Variants in SLC6A5 observed in about 807,000 individuals in gnomAD.
The protein encoded by SLC6A5 is solute carrier family 6 member 5.
In SLC6A5, 58 loss-of-function variants were observed where a neutral mutation model predicts 90.5. That is an observed-to-expected ratio of 0.64 (90% CI 0.52 to 0.80). SLC6A5 has a LOEUF of 0.80. Ranked by LOEUF, SLC6A5 falls within the 30% of genes least tolerant of loss-of-function variation. The pLI is 0.00. For missense variants in SLC6A5, 1,015 were observed against 1,017.6 expected (o/e 1.00, Z 0.03); for synonymous variants, 427 against 401.4 (o/e 1.06, Z -0.76).
chr11:20,612,699 G>A (rs1447011847), intron 5 of SLC6A5, among the ~76,000 whole-genome samples: 2 of 152,080 alleles, frequency 1.3e-5, no homozygotes, highest in African/African-American at 2.4e-5. Flanking sequence ...TAAAATGTTT[G>A]GTACAGATAG....
chr11:20,600,181 G>C (rs982271827), intron 1 of SLC6A5, among the ~76,000 whole-genome samples: 1 of 152,102 alleles, frequency 6.6e-6, no homozygotes, highest in East Asian at 1.9e-4. Flanking sequence ...AGGGGAGAAA[G>C]TGGATAGAAA....
rs992728799 is a variant in SLC6A5, at chr11:20,607,240, G to A, written c.811+102G>A. 6 of 1,443,524 alleles carry A rather than the reference G, an allele frequency of 4.2e-6. No homozygotes were observed. The African/African-American group carries it at 7.0e-5, about 17-fold the overall frequency. The allele number at this position is 1,443,524 out of a possible 1,614,324, so 89.4% of individuals were successfully genotyped here. On this transcript the variant is annotated intron_variant, in intron 4 of 15. Coordinates refer to ENST00000525748, the MANE Select transcript of SLC6A5 (RefSeq NM_004211.5). ...GGGAGACCTGCCTTTGTGGTTAATAGAACTAACTCTTTCCTTCCTTTATTT... is the reference window on the plus strand; with the variant it reads ...GGGAGACCTGCCTTTGTGGTTAATAAAACTAACTCTTTCCTTCCTTTATTT...
intron 1 of SLC6A5, 32 bp from the exon 2 acceptor site, chr11:20,601,097 T>C (rs919381900): frequency 6.4e-7 from 1 of 1,570,626 alleles, no homozygotes; most frequent in Non-Finnish European, 8.6e-7. Flanking sequence ...GTTGTGACTT[T>C]GTTTTGCACG....
chr11:20,655,285 CA>C lies in SLC6A5; in HGVS notation c.*419del. On this transcript the variant is annotated 3_prime_UTR_variant, in exon 16 of 16. Transcript: ENST00000525748. ...TTATTTGGACTTGAACAGAACTGAG[CA>C]ATGTGGTGATCTTGTTCAGACACAC... is the stretch of plus-strand genomic sequence containing the variant. 7.4e-6 allele frequency: 2 copies of C among 271,482 alleles called. No individual in the cohort carries two copies. The highest frequency in any genetic ancestry group is 8.3e-5 in the East Asian group (1 of 12,010). 16.8% of individuals were successfully genotyped at this position (271,482 alleles called of 1,614,324 possible). A position where few individuals can be genotyped will look rare whatever the true frequency, so the allele number is the denominator to read the frequency against.
rs768243813 is a variant in SLC6A5, at chr11:20,607,488, T to G, written c.821T>G (p.Ile274Ser). ...ATTTTTGCTTCTGCAGGCTGTGGCATCGCGATGCTGATCATCTCTGTCCTA... is the reference window on the plus strand; with the variant it reads ...ATTTTTGCTTCTGCAGGCTGTGGCAGCGCGATGCTGATCATCTCTGTCCTA... ...KAIPALQGCG[I>S]AMLIISVLIA... The change falls in exon 5 of 16, where the codon ATC (isoleucine) becomes AGC (serine). Residue 274 changes from isoleucine (I) to serine (S), a missense_variant. Ile to Ser is a moderately radical substitution (Grantham distance 142, BLOSUM62 -2). This residue lies in a region of SLC6A5 where 567 missense variants were observed against 507.3 expected (regional missense o/e 1.12). Coordinates refer to ENST00000525748, the MANE Select transcript of SLC6A5 (RefSeq NM_004211.5). The G allele has an allele frequency of 1.9e-6, 3 of 1,614,230 alleles. No individual in the cohort carries two copies. Among genetic ancestry groups the G allele is most frequent in the South Asian group, 1.1e-5 (1 of 91,086 alleles).
At chr11:20,636,527 A>G in intron 11 of SLC6A5, 108 bp downstream of exon 11, 1 of 749,618 alleles carries the variant, frequency 1.3e-6, no homozygotes, top group South Asian at 1.5e-5. Context: ...CGGGTGTCTG[A>G]ATGTTTCTCC....
At chr11:20,601,096 T>G in intron 1 of SLC6A5, 33 bp from the exon 2 acceptor site, 1 of 1,569,616 alleles carries the variant, frequency 6.4e-7, no homozygotes, top group Non-Finnish European at 8.6e-7. Context: ...TGTTGTGACT[T>G]TGTTTTGCAC....
intron 1 of SLC6A5, among the ~76,000 whole-genome samples, chr11:20,600,921 T>C (rs763679625): frequency 4.6e-5 from 7 of 152,150 alleles, no homozygotes; most frequent in Non-Finnish European, 7.3e-5. Context: ...GAGGGAATAT[T>C]AGCTTCTTTT....
Position 20,601,553 on chromosome 11 carries a change from G to A in SLC6A5, c.428G>A (p.Arg143Gln). 1.2e-6 allele frequency: 2 copies of A among 1,614,148 alleles called. No homozygotes were observed. The change falls in exon 2 of 16, where the codon CGG becomes CAG. Residue 143 changes from arginine to glutamine, a missense_variant. This residue lies in a region of SLC6A5 where 567 missense variants were observed against 507.3 expected (regional missense o/e 1.12). Coordinates refer to ENST00000525748, the MANE Select transcript of SLC6A5 (RefSeq NM_004211.5). ...AGTGTGGGCAAGGGCACCCTGGAGC[G>A]GAACAATACCCCTGTTGTGGGCTGG... ...NVSVGKGTLERNNTPVVGWVN... is the reference protein window; with the variant it reads ...NVSVGKGTLEQNNTPVVGWVN...
At chr11:20,648,827 G>C (rs2133821363) in intron 14 of SLC6A5, among the ~76,000 whole-genome samples, 1 of 152,300 alleles carries the variant, frequency 6.6e-6, no homozygotes, top group South Asian at 2.1e-4. Flanking sequence ...GCTGCTATTT[G>C]TTGTGGTCTA....
At chr11:20,622,449 C>G (rs572978927) in intron 7 of SLC6A5, among the ~76,000 whole-genome samples, 1 of 152,300 alleles carries the variant, frequency 6.6e-6, no homozygotes, top group South Asian at 2.1e-4. Flanking sequence ...ACTTGCCTCC[C>G]CCTAGTCCTG....
Position 20,601,508 on chromosome 11 carries a change from C to T in SLC6A5, c.383C>T (p.Pro128Leu), listed in dbSNP as rs1364316442. The change falls in exon 2 of 16, where the codon CCG becomes CTG. Residue 128 changes from proline to leucine, a missense_variant. Transcript: ENST00000525748. ...TGTAAGATCCCTTTTCTGCGAGGCCCGGAGGGGGATGCGAACGTGAGTGTG... is the reference window on the plus strand; with the variant it reads ...TGTAAGATCCCTTTTCTGCGAGGCCTGGAGGGGGATGCGAACGTGAGTGTG... ...LHCKIPFLRG[P>L]EGDANVSVGK... The T allele has an allele frequency of 1.2e-6, 2 of 1,613,914 alleles. No homozygotes were observed. Among genetic ancestry groups the T allele is most frequent in the Non-Finnish European group, 1.7e-6 (2 of 1,179,982 alleles).
intron 5 of SLC6A5, among the ~76,000 whole-genome samples, chr11:20,612,795 T>C (rs900709676): frequency 2.6e-5 from 4 of 152,224 alleles, no homozygotes; most frequent in Non-Finnish European, 5.9e-5. Context: ...GTTGGGATTA[T>C]AGGTGTGAGC....
At chr11:20,625,881 A>G (rs1036631782) in intron 7 of SLC6A5, among the ~76,000 whole-genome samples, 1 of 152,200 alleles carries the variant, frequency 6.6e-6, no homozygotes, top group Non-Finnish European at 1.5e-5. Context: ...CTGAACTTCC[A>G]TAGTGCCCTC....
At chr11:20,615,041 T>A (rs903271965) in intron 6 of SLC6A5, among the ~76,000 whole-genome samples, 3 of 152,176 alleles carry the variant, frequency 2.0e-5, no homozygotes, top group African/African-American at 7.2e-5. Flanking sequence ...ATTGCGGCTA[T>A]AATTCATGAT....
At chr11:20,614,123 T>A (rs1359092250) in intron 5 of SLC6A5, among the ~76,000 whole-genome samples, 1 of 152,146 alleles carries the variant, frequency 6.6e-6, no homozygotes. Context: ...ACTTACTAAA[T>A]GTGGTGCCAG....
At chr11:20,610,671 TA>T (rs1265485751) in intron 5 of SLC6A5, among the ~76,000 whole-genome samples, 1 of 152,226 alleles carries the variant, frequency 6.6e-6, no homozygotes, top group East Asian at 1.9e-4. Context: ...AAATATTTGA[TA>T]ATGATTAGGT....
intron 2 of SLC6A5, among the ~76,000 whole-genome samples, chr11:20,602,319 CA>C (rs1184281999): frequency 6.6e-6 from 1 of 152,136 alleles, no homozygotes; most frequent in Non-Finnish European, 1.5e-5. Context: ...CAAGCCCCAC[CA>C]ATCTTAATCC....
At position 20,656,746 on chromosome 11, in the gene SLC6A5, C is replaced by G. The variant is rs1472954613; in HGVS notation, c.*1878C>G. Reference sequence around the variant, plus strand: ...TCCCCTCTCCTTCTCCTCCTTTCCCCCCTTGTCTCCCAAAGCTCAAACTTG... The same window carrying G: ...TCCCCTCTCCTTCTCCTCCTTTCCCGCCTTGTCTCCCAAAGCTCAAACTTG... On this transcript the variant is annotated 3_prime_UTR_variant, in exon 16 of 16. Coordinates refer to ENST00000525748, the MANE Select transcript of SLC6A5 (RefSeq NM_004211.5). 1 of 152,168 alleles carries G rather than the reference C, an allele frequency of 6.6e-6. No homozygotes were observed. The highest frequency in any genetic ancestry group is 1.5e-5 in the Non-Finnish European group (1 of 68,056). 9.4% of individuals were successfully genotyped at this position (152,168 alleles called of 1,614,324 possible).
Sources: gnomAD v4.1 joint callset for allele counts (sites outside exome capture counted in the v4.1 genomes callset) on GRCh38, gnomAD v4.1.1 for gene constraint, gnomAD v4.1.1 regional missense constraint, MANE v1.5 for transcripts, NCBI Gene and HGNC (gene_info 2026-07-23, HGNC 2026-07-21) for gene names.